SRPX: variants seen among roughly 807,000 people sequenced by gnomAD.
The protein encoded by SRPX is sushi repeat-containing protein SRPX.
In SRPX, 24 loss-of-function variants were observed where a neutral mutation model predicts 38.1. That is an observed-to-expected ratio of 0.63 (90% CI 0.46 to 0.89). The LOEUF (loss-of-function observed/expected upper bound fraction) is 0.89, where lower values mean the gene tolerates loss of function less well. SRPX is among the 40% of genes least tolerant of loss of function. The probability of loss-of-function intolerance (pLI) is 0.00; values close to 1 mark genes in which losing one functional copy is unlikely to be tolerated. For synonymous variants in SRPX, 184 were observed against 153.8 expected, an observed-to-expected ratio of 1.20 and a Z score of -1.45; for missense variants, 416 against 377.8, an observed-to-expected ratio of 1.10 and a Z score of -0.84.
At chrX:38,198,565 G>A (rs1392872366) in intron 1 of SRPX, among the ~76,000 whole-genome samples, 1 of 111,930 alleles carries the variant, frequency 8.9e-6, no homozygotes, top group East Asian at 2.8e-4. Context: ...AAGCACCCTG[G>A]GGTGGGGGCT....
chrX:38,168,170 A>G (rs1419071903), intron 4 of SRPX, among the ~76,000 whole-genome samples: 1 of 111,916 alleles, frequency 8.9e-6, no homozygotes, highest in East Asian at 2.8e-4. Flanking sequence ...AGTCTTGCCC[A>G]ACAGATAACA....
At chrX:38,167,027 T>C (rs1938374430) in intron 4 of SRPX, among the ~76,000 whole-genome samples, 1 of 111,697 alleles carries the variant, frequency 9.0e-6, no homozygotes. Context: ...AAGAAATAAA[T>C]CATTACAAAT....
intron 1 of SRPX, among the ~76,000 whole-genome samples, chrX:38,210,086 C>T (rs752963127): frequency 2.0e-4 from 23 of 112,647 alleles, no homozygotes; most frequent in African/African-American, 3.2e-5. Context: ...CATTTGGAAA[C>T]GTCCACACCA....
At chrX:38,213,887 A>G (rs776235931) in intron 1 of SRPX, among the ~76,000 whole-genome samples, 2 of 111,759 alleles carry the variant, frequency 1.8e-5, no homozygotes, top group African/African-American at 6.5e-5. Context: ...TATTGCAAAA[A>G]TAACACCAAA....
rs373120766 is a variant in SRPX, at chrX:38,181,772, G to A, written c.98-3428C>T. The stretch of plus-strand genomic sequence containing the variant: ...TCTGTTTCCTATATTAAACCTAACA[G>A]ATATTTAAGCAAACCAATTAAGAAA... On this transcript the variant is annotated intron_variant, in intron 1 of 9. Transcript: ENST00000378533. Among the ~76,000 whole-genome samples, 8 of 111,695 alleles carry A rather than the reference G, an allele frequency of 7.2e-5. No homozygotes were observed. In the East Asian group the frequency reaches 2.0e-3, roughly 27 times the overall value.
intron 8 of SRPX, among the ~76,000 whole-genome samples, chrX:38,156,262 G>A (rs989619796): frequency 1.8e-5 from 2 of 111,844 alleles, no homozygotes; most frequent in African/African-American, 6.5e-5. Context: ...CACCCAAGAT[G>A]TTGGTTGCCT....
intron 1 of SRPX, among the ~76,000 whole-genome samples, chrX:38,189,497 T>G: frequency 8.9e-6 from 1 of 112,010 alleles, no homozygotes; most frequent in East Asian, 2.8e-4. Context: ...TATGATTGTA[T>G]TCTCAGCTCA....
chrX:38,209,055 A>C (rs143780107), intron 1 of SRPX, among the ~76,000 whole-genome samples: 60 of 108,009 alleles, frequency 5.6e-4, no homozygotes, highest in African/African-American at 2.0e-3. Context: ...AATTTTTGAA[A>C]GCCTTGTTAA....
chrX:38,153,399 G>A (rs1938059475), intron 9 of SRPX, among the ~76,000 whole-genome samples: 1 of 104,991 alleles, frequency 9.5e-6, no homozygotes, highest in Non-Finnish European at 1.9e-5. Flanking sequence ...TGGGTCAAAG[G>A]CAGCTGGAAA....
chrX:38,219,115 G>C (rs1168452198), intron 1 of SRPX, among the ~76,000 whole-genome samples: 1 of 111,082 alleles, frequency 9.0e-6, no homozygotes, highest in African/African-American at 3.3e-5. Context: ...GCGAACTCAT[G>C]ATTCTGTGGC....
intron 1 of SRPX, among the ~76,000 whole-genome samples, chrX:38,217,260 A>G (rs186639408): frequency 1.2e-4 from 14 of 112,807 alleles, no homozygotes; most frequent in African/African-American, 3.9e-4. Flanking sequence ...ATTATCAAAT[A>G]TGTGATATAT....
At chrX:38,189,836 G>T (rs1183181971) in intron 1 of SRPX, among the ~76,000 whole-genome samples, 1 of 111,966 alleles carries the variant, frequency 8.9e-6, no homozygotes, top group African/African-American at 3.2e-5. Flanking sequence ...TACGGTCAGG[G>T]TTTGTTTCCC....
chrX:38,160,305 C>T, intron 6 of SRPX, 109 bp from the exon 7 acceptor site: 1 of 785,857 alleles, frequency 1.3e-6, no homozygotes, highest in East Asian at 3.3e-5. Context: ...GCTTCTACAT[C>T]AGCCTGTGAA....
At chrX:38,175,342 C>T (rs1938550833) in intron 2 of SRPX, among the ~76,000 whole-genome samples, 1 of 111,405 alleles carries the variant, frequency 9.0e-6, no homozygotes, top group East Asian at 2.8e-4. Flanking sequence ...GAGGTAAGAC[C>T]GCCATCATGT....
chrX:38,172,906 G>C (rs139790475), intron 3 of SRPX, among the ~76,000 whole-genome samples: 7,862 of 112,297 alleles, frequency 0.07, 659 homozygotes, highest in African/African-American at 0.24. Flanking sequence ...GAGAGAGAGA[G>C]AGCGAGTGGG....
At chrX:38,210,012 AAC>A (rs1294302982) in intron 1 of SRPX, among the ~76,000 whole-genome samples, 2 of 112,578 alleles carry the variant, frequency 1.8e-5, no homozygotes, top group African/African-American at 6.5e-5. Context: ...TGAAACCAAA[AAC>A]ACAGTGTTCA....
At chrX:38,158,683 T>TA (rs1223560531) in intron 7 of SRPX, among the ~76,000 whole-genome samples, 1 of 111,241 alleles carries the variant, frequency 9.0e-6, no homozygotes, top group South Asian at 3.8e-4. Flanking sequence ...GTTGCCTCAT[T>TA]AAAAAAGTGT....
chrX:38,184,461 G>A (rs1938733328), intron 1 of SRPX, among the ~76,000 whole-genome samples: 1 of 111,698 alleles, frequency 9.0e-6, no homozygotes, highest in Non-Finnish European at 1.9e-5. Context: ...AAGTCAATGG[G>A]AAAATAAAAT....
intron 9 of SRPX, among the ~76,000 whole-genome samples, chrX:38,151,465 A>G (rs1004486170): frequency 1.8e-5 from 2 of 111,623 alleles, no homozygotes; most frequent in Middle Eastern, 4.6e-3. Context: ...CCAATAAGAA[A>G]TTGGAGCATT....
Sources: gnomAD v4.1 joint callset for allele counts (sites outside exome capture counted in the v4.1 genomes callset) on GRCh38, gnomAD v4.1.1 for gene constraint, MANE v1.5 for transcripts, NCBI Gene and HGNC (gene_info 2026-07-23, HGNC 2026-07-21) for gene names.